The following MACROD2 variants were observed in gnomAD, a reference collection of about 807,000 sequenced individuals.
The protein encoded by MACROD2 is mono-ADP ribosylhydrolase 2.
MACROD2 carries 36 observed loss-of-function variants against 70.4 expected under a neutral mutation model. The ratio of observed to expected loss-of-function variants is 0.51; its 90% CI spans 0.39 to 0.68. The LOEUF (loss-of-function observed/expected upper bound fraction) is 0.68. Ranked by LOEUF, MACROD2 falls within the 30% of genes least tolerant of loss-of-function variation. The probability of loss-of-function intolerance (pLI) is 0.00; values close to 1 mark genes in which losing one functional copy is unlikely to be tolerated. For synonymous variants in MACROD2, 172 were observed against 178.8 expected (o/e 0.96, Z 0.30); for missense variants, 496 against 538.4 (o/e 0.92, Z 0.78).
intron 8 of MACROD2, among the ~76,000 whole-genome samples, chr20:15,636,344 T>C (rs891820048): frequency 2.0e-5 from 3 of 152,194 alleles, no homozygotes; most frequent in Admixed American, 6.5e-5. Context: ...AGCTGCATCA[T>C]TGAAGCAAGT....
At chr20:14,497,591 A>G (rs1447699379) in intron 4 of MACROD2, among the ~76,000 whole-genome samples, 2 of 151,666 alleles carry the variant, frequency 1.3e-5, no homozygotes, top group African/African-American at 4.9e-5. Flanking sequence ...ACCTGCTGAT[A>G]GAACCCAAGC....
intron 3 of MACROD2, among the ~76,000 whole-genome samples, chr20:14,275,219 G>GA (rs2082240271): frequency 6.6e-6 from 1 of 152,136 alleles, no homozygotes; most frequent in African/African-American, 2.4e-5. Flanking sequence ...CATGCTACCT[G>GA]ACTTCAAACT....
Position 15,223,969 on chromosome 20 carries a change from G to C in MACROD2, c.419-5971G>C, listed in dbSNP as rs555343788. Among the ~76,000 whole-genome samples the C allele has an allele frequency of 2.0e-5, 3 of 152,282 alleles. No homozygotes were observed. The South Asian group carries it at 6.2e-4, about 32-fold the overall frequency. ...ACACTTGCTCTTAGAGCCCTGAGTT[G>C]TCATTTAAGTTATCCAACTGCTCTG... On this transcript the variant is annotated intron_variant, in intron 5 of 17. Transcript: ENST00000684519.
At chr20:14,608,248 C>T (rs879569620) in intron 4 of MACROD2, among the ~76,000 whole-genome samples, 4 of 152,072 alleles carry the variant, frequency 2.6e-5, no homozygotes, top group Non-Finnish European at 5.9e-5. Flanking sequence ...AAGAATGGAA[C>T]TCCGTCTCAA....
chr20:15,093,634 G>T (rs1033029348), intron 5 of MACROD2, among the ~76,000 whole-genome samples: 1 of 152,014 alleles, frequency 6.6e-6, no homozygotes, highest in African/African-American at 2.4e-5. Flanking sequence ...TAATTTTGAG[G>T]AACACTGAAT....
chr20:14,702,610 T>A lies in MACROD2; in HGVS notation c.418+17651T>A, dbSNP rs1171929136. On this transcript the variant is annotated intron_variant, in intron 5 of 17. Transcript: ENST00000684519. ...ATGTATATATATGTGTGTATATATA[T>A]GTGTATATATATATACATATATATA... Among the ~76,000 whole-genome samples the A allele has an allele frequency of 7.6e-5, 7 of 91,922 alleles. 1 individual carries two copies. The highest frequency in any genetic ancestry group is 2.9e-4 in the African/African-American group (7 of 24,316). 60.3% of individuals were successfully genotyped at this position (91,922 alleles called of 152,430 possible).
At chr20:14,276,349 T>C (rs1421956324) in intron 3 of MACROD2, among the ~76,000 whole-genome samples, 4 of 147,772 alleles carry the variant, frequency 2.7e-5, no homozygotes, top group Admixed American at 2.0e-4. Context: ...AAATTGGAAA[T>C]CATCATTCTC....
chr20:14,578,200 C>A (rs1027422814), intron 4 of MACROD2, among the ~76,000 whole-genome samples: 2 of 151,150 alleles, frequency 1.3e-5, no homozygotes, highest in Admixed American at 1.3e-4. Flanking sequence ...GGCAGGTTTT[C>A]TTTTCACAAA....
intron 8 of MACROD2, among the ~76,000 whole-genome samples, chr20:15,635,651 A>G (rs2049352483): frequency 6.6e-6 from 1 of 152,168 alleles, no homozygotes; most frequent in South Asian, 2.1e-4. Context: ...CTCACAATTG[A>G]TGGGACCACT....
chr20:14,182,910 T>C (rs1031878133), intron 3 of MACROD2, among the ~76,000 whole-genome samples: 1 of 151,848 alleles, frequency 6.6e-6, no homozygotes, highest in African/African-American at 2.4e-5. Context: ...CTAACTTTTC[T>C]AGCTAGATCA....
chr20:15,977,225 A>G (rs2066319977), intron 13 of MACROD2, among the ~76,000 whole-genome samples: 1 of 152,232 alleles, frequency 6.6e-6, no homozygotes, highest in Non-Finnish European at 1.5e-5. Flanking sequence ...AGCAACAGTG[A>G]TAGAGAATGA....
intron 8 of MACROD2, among the ~76,000 whole-genome samples, chr20:15,658,073 T>C (rs2049758212): frequency 6.6e-6 from 1 of 152,160 alleles, no homozygotes; most frequent in Admixed American, 6.5e-5. Context: ...TATTTTCTCC[T>C]TTGTCAAAGG....
intron 5 of MACROD2, among the ~76,000 whole-genome samples, chr20:14,925,533 C>T (rs1757937287): frequency 6.6e-6 from 1 of 152,162 alleles, no homozygotes; most frequent in African/African-American, 2.4e-5. Flanking sequence ...AGTCATCATC[C>T]TTGGAAAGGA....
chr20:15,413,688 T>C (rs1018117756), intron 6 of MACROD2, among the ~76,000 whole-genome samples: 1 of 152,166 alleles, frequency 6.6e-6, no homozygotes, highest in Non-Finnish European at 1.5e-5. Flanking sequence ...GGAGACAAAA[T>C]TCATATGTTT....
At chr20:14,028,456 C>T (rs1486719403) in intron 2 of MACROD2, among the ~76,000 whole-genome samples, 5 of 152,124 alleles carry the variant, frequency 3.3e-5, no homozygotes, top group Middle Eastern at 3.4e-3. Flanking sequence ...GCGTTCCAGG[C>T]GCCACTGGGG....
At chr20:15,024,103 C>T (rs1254369936) in intron 5 of MACROD2, among the ~76,000 whole-genome samples, 1 of 152,092 alleles carries the variant, frequency 6.6e-6, no homozygotes, top group Non-Finnish European at 1.5e-5. Context: ...ACCTTTATTG[C>T]TGATAAAATT....
intron 8 of MACROD2, among the ~76,000 whole-genome samples, chr20:15,503,836 T>C (rs1295233928): frequency 6.6e-6 from 1 of 152,120 alleles, no homozygotes; most frequent in Admixed American, 6.6e-5. Context: ...CTGGTGAGGT[T>C]CCCCCAAAAT....
intron 8 of MACROD2, among the ~76,000 whole-genome samples, chr20:15,562,960 G>A (rs751309290): frequency 1.1e-4 from 16 of 152,166 alleles, no homozygotes; most frequent in African/African-American, 2.7e-4. Context: ...GTGTAGAAAC[G>A]TACAGTTTGA....
At chr20:15,628,367 A>G (rs1056560287) in intron 8 of MACROD2, among the ~76,000 whole-genome samples, 2 of 152,204 alleles carry the variant, frequency 1.3e-5, no homozygotes, top group African/African-American at 2.4e-5. Flanking sequence ...ATTGCTAGCA[A>G]TCTGCTAAGT....
Sources: gnomAD v4.1 joint callset for allele counts (sites outside exome capture counted in the v4.1 genomes callset) on GRCh38, gnomAD v4.1.1 for gene constraint, MANE v1.5 for transcripts, NCBI Gene and HGNC (gene_info 2026-07-23, HGNC 2026-07-21) for gene names.